NSMCE1: variants seen among roughly 807,000 people sequenced by gnomAD.
The protein encoded by NSMCE1 is non-structural maintenance of chromosomes element 1 homolog.
A neutral mutation model predicts 29.6 loss-of-function variants in NSMCE1; 18 were observed. The ratio of observed to expected loss-of-function variants is 0.61; its 90% confidence interval spans 0.42 to 0.90. The LOEUF (loss-of-function observed/expected upper bound fraction) is 0.90. Among genes scored for constraint, NSMCE1 ranks in the 40% least tolerant of loss-of-function variants. The pLI is 0.00. For missense variants in NSMCE1, 314 were observed against 343.6 expected (o/e 0.91, Z 0.68); for synonymous variants, 124 against 133.4 (o/e 0.93, Z 0.49).
intron 5 of NSMCE1, among the ~76,000 whole-genome samples, chr16:27,231,480 T>C (rs762220615): frequency 6.6e-6 from 1 of 151,914 alleles, no homozygotes; most frequent in Non-Finnish European, 1.5e-5. Context: ...CTACTAAAAA[T>C]AGAAAAATTA....
chr16:27,238,326 C>T (rs991819606), intron 2 of NSMCE1, among the ~76,000 whole-genome samples: 6 of 152,128 alleles, frequency 3.9e-5, no homozygotes, highest in African/African-American at 1.4e-4. Flanking sequence ...CCTGGCTGGA[C>T]CCCAGCCTCC....
At chr16:27,257,676 C>T in intron 1 of NSMCE1, 95 bp from the exon 2 acceptor site, 1 of 1,092,008 alleles carries the variant, frequency 9.2e-7, no homozygotes, top group Non-Finnish European at 1.3e-6. Context: ...TATAAATTTG[C>T]TATCATTTTT....
intron 2 of NSMCE1, chr16:27,241,963 A>G (rs1471503984): frequency 5.3e-6 from 2 of 375,608 alleles, no homozygotes; most frequent in African/African-American, 2.1e-5. Flanking sequence ...TGCAATCACG[A>G]AAGGATGTGG....
At chr16:27,241,867 G>A (rs1223107133) in intron 2 of NSMCE1, 3 of 455,240 alleles carry the variant, frequency 6.6e-6, no homozygotes, top group Admixed American at 4.7e-5. Flanking sequence ...CTTTCTCAGA[G>A]GTCAGAGAGA....
chr16:27,262,243 CA>C (rs34046376), intron 1 of NSMCE1, among the ~76,000 whole-genome samples: 29,754 of 125,762 alleles, frequency 0.24, 3,143 homozygotes, highest in East Asian at 0.4. Flanking sequence ...GACTTCATCT[CA>C]AAAAAAAAAA....
intron 1 of NSMCE1, among the ~76,000 whole-genome samples, chr16:27,259,047 C>A (rs1055248467): frequency 6.6e-6 from 1 of 152,178 alleles, no homozygotes; most frequent in Non-Finnish European, 1.5e-5. Context: ...CCACGCCCAG[C>A]CAGTGCTGTT....
chr16:27,259,568 G>C (rs1352601641), intron 1 of NSMCE1, among the ~76,000 whole-genome samples: 1 of 152,124 alleles, frequency 6.6e-6, no homozygotes, highest in Non-Finnish European at 1.5e-5. Flanking sequence ...CATCATGGAG[G>C]TGTAGAGGAA....
chr16:27,234,639 T>C (rs931745024), intron 3 of NSMCE1, among the ~76,000 whole-genome samples: 4 of 152,280 alleles, frequency 2.6e-5, no homozygotes, highest in African/African-American at 9.6e-5. Context: ...TCTTTGACTC[T>C]GTAATGTTTT....
In NSMCE1 at chr16:27,225,750, C is replaced by T. The variant is rs375891217; in HGVS notation, c.697G>A (p.Asp233Asn). Reference sequence around the variant, plus strand: ...CTTGGGATCTCGTGGGGCCAGTAGTCGTTGCAGTGGGGGCAGCGCGGTTCA... The same window carrying T: ...CTTGGGATCTCGTGGGGCCAGTAGTTGTTGCAGTGGGGGCAGCGCGGTTCA... ...NAEPRCPHCN[D>N]YWPHEIPKVF... Residue 233 changes from aspartate to asparagine, a missense_variant, in exon 7 of 8, where the codon GAC becomes AAC. Physicochemically the swap from Asp to Asn is conservative, Grantham distance 23. Coordinates refer to ENST00000361439, the MANE Select transcript of NSMCE1 (RefSeq NM_145080.4). 3 of 1,614,070 alleles carry T rather than the reference C, an allele frequency of 1.9e-6. No homozygotes were observed. Among genetic ancestry groups the T allele is most frequent in the Non-Finnish European group, 2.5e-6 (3 of 1,180,044 alleles).
Position 27,230,038 on chromosome 16 carries a change from G to A in NSMCE1, c.483+2963C>T, listed in dbSNP as rs192312907. Reference sequence around the variant, plus strand: ...GCCCAGGTGATCTCCCAGGCGCCTCGCCACAACACTTGGAAGTCAGGACCT... The same window carrying A: ...GCCCAGGTGATCTCCCAGGCGCCTCACCACAACACTTGGAAGTCAGGACCT... On this transcript the variant is annotated intron_variant, in intron 5 of 7. Coordinates refer to ENST00000361439, the MANE Select transcript of NSMCE1 (RefSeq NM_145080.4). Among the ~76,000 whole-genome samples, 137 of 152,314 alleles carry A rather than the reference G, an allele frequency of 9.0e-4. No individual in the cohort carries two copies. In the Middle Eastern group the frequency reaches 0.01, roughly 11 times the overall value.
intron 2 of NSMCE1, chr16:27,241,896 C>T (rs1266493043): frequency 8.9e-6 from 4 of 450,632 alleles, no homozygotes; most frequent in African/African-American, 4.0e-5. Context: ...ATACCTAAGA[C>T]GGGACAGGAA....
chr16:27,233,530 G>A (rs921781824), intron 4 of NSMCE1, among the ~76,000 whole-genome samples: 17 of 152,212 alleles, frequency 1.1e-4, no homozygotes, highest in African/African-American at 4.1e-4. Flanking sequence ...AACCTTGGTG[G>A]CTAATAATCC....
intron 5 of NSMCE1, chr16:27,230,453 A>G (rs1400884219): frequency 1.3e-5 from 2 of 152,402 alleles, no homozygotes; most frequent in Admixed American, 1.3e-4. Flanking sequence ...ATTCCTCCAG[A>G]GTGCCGCAGA....
chr16:27,268,721 C>T lies in NSMCE1; in HGVS notation c.-27G>A, dbSNP rs1218440325. ...CGTTACCCACCAGGGAGCCCAAGCG[C>T]ATCCCAGGCCGCGCTAGCGGATACG... On this transcript the variant is annotated 5_prime_UTR_variant, in exon 1 of 8. The change abolishes an upstream ATG in the 5' untranslated region. Transcript: ENST00000361439. The T allele has an allele frequency of 2.6e-5, 4 of 152,846 alleles. No individual in the cohort carries two copies. The highest frequency in any genetic ancestry group is 4.8e-5 in the African/African-American group (2 of 41,484). 9.5% of individuals were successfully genotyped at this position (152,846 alleles called of 1,614,324 possible). A position where few individuals can be genotyped will look rare whatever the true frequency, so the allele number is the denominator to read the frequency against.
At chr16:27,250,330 A>G (rs905194745) in intron 2 of NSMCE1, among the ~76,000 whole-genome samples, 1 of 152,226 alleles carries the variant, frequency 6.6e-6, no homozygotes, top group Non-Finnish European at 1.5e-5. Flanking sequence ...GAGATTAGGG[A>G]AAAGTATTCA....
chr16:27,235,155 A>G (rs769003374), intron 3 of NSMCE1, 23 bp downstream of exon 3: 1 of 1,610,348 alleles, frequency 6.2e-7, no homozygotes, highest in African/African-American at 1.3e-5. Flanking sequence ...AAATGCCACT[A>G]GAGGGCTCTG....
chr16:27,262,845 G>C (rs138284482), intron 1 of NSMCE1, among the ~76,000 whole-genome samples: 1 of 151,828 alleles, frequency 6.6e-6, no homozygotes, highest in African/African-American at 2.4e-5. Flanking sequence ...AACTATTTAC[G>C]AGAGAAAATC....
intron 2 of NSMCE1, among the ~76,000 whole-genome samples, chr16:27,257,173 G>T (rs2084096429): frequency 6.6e-6 from 1 of 152,142 alleles, no homozygotes; most frequent in African/African-American, 2.4e-5. Context: ...GCTGGGGCAG[G>T]TCCTGGAGGC....
chr16:27,255,040 C>T (rs1320151907), intron 2 of NSMCE1, among the ~76,000 whole-genome samples: 3 of 151,782 alleles, frequency 2.0e-5, no homozygotes, highest in Non-Finnish European at 4.4e-5. Context: ...CCACCACACC[C>T]GGCTAATTTT....
Sources: gnomAD v4.1 joint callset for allele counts (sites outside exome capture counted in the v4.1 genomes callset) on GRCh38, gnomAD v4.1.1 for gene constraint, MANE v1.5 for transcripts, NCBI Gene and HGNC (gene_info 2026-07-23, HGNC 2026-07-21) for gene names.